Variants in SPRED2 observed in about 807,000 individuals in gnomAD.
SPRED2 encodes the protein sprouty related EVH1 domain containing 2.
In SPRED2, 47 loss-of-function variants were observed where a neutral mutation model predicts 43.0. The observed-to-expected ratio is 1.09, with a 90% CI of 0.87 to 1.40. SPRED2 has a LOEUF of 1.40. SPRED2 is among the 40% of genes most tolerant of loss of function. SPRED2 has a pLI of 0.00. For missense variants in SPRED2, 561 were observed against 586.4 expected, an observed-to-expected ratio of 0.96 and a Z score of 0.45; for synonymous variants, 225 against 225.7, an observed-to-expected ratio of 1.00 and a Z score of 0.03.
At position 65,312,398 on chromosome 2, in the gene SPRED2, A is replaced by G; in HGVS notation, c.*1103T>C. 1 of 985,430 alleles carries G rather than the reference A, an allele frequency of 1.0e-6. No individual in the cohort carries two copies. The highest frequency in any genetic ancestry group is 1.2e-6 in the Non-Finnish European group (1 of 829,930). 61.0% of individuals were successfully genotyped at this position (985,430 alleles called of 1,614,324 possible). On this transcript the variant is annotated 3_prime_UTR_variant, in exon 6 of 6. Transcript: ENST00000356388. ...AAGAAAATGCAACCCACCACTCTTCAAATTTATGACATTTAAAAATCCCCT... is the reference window on the plus strand; with the variant it reads ...AAGAAAATGCAACCCACCACTCTTCGAATTTATGACATTTAAAAATCCCCT...
intron 4 of SPRED2, among the ~76,000 whole-genome samples, chr2:65,329,019 T>C (rs558143718): frequency 2.6e-5 from 4 of 152,244 alleles, no homozygotes; most frequent in Non-Finnish European, 2.9e-5. Context: ...CAAAAGCCCA[T>C]CTAGGACAAA....
At chr2:65,381,191 GCTC>G (rs1271101508) in intron 1 of SPRED2, among the ~76,000 whole-genome samples, 2 of 152,182 alleles carry the variant, frequency 1.3e-5, no homozygotes, top group Non-Finnish European at 2.9e-5. Flanking sequence ...GGCGCTCAGT[GCTC>G]CTCAACTCGT....
At chr2:65,360,105 A>C (rs1304577379) in intron 1 of SPRED2, among the ~76,000 whole-genome samples, 27 of 136,032 alleles carry the variant, frequency 2.0e-4, no homozygotes, top group African/African-American at 6.3e-4. Context: ...AAAAACAAAA[A>C]AAAAAAAAAC....
chr2:65,398,719 T>C (rs977983026), intron 1 of SPRED2, among the ~76,000 whole-genome samples: 5 of 152,166 alleles, frequency 3.3e-5, no homozygotes, highest in East Asian at 3.9e-4. Context: ...CCAAAAATAA[T>C]AGATGTTGGT....
At chr2:65,314,874 T>G (rs1425766970) in intron 5 of SPRED2, among the ~76,000 whole-genome samples, 6 of 152,176 alleles carry the variant, frequency 3.9e-5, no homozygotes, top group Admixed American at 2.6e-4. Flanking sequence ...TCTGGTGAGA[T>G]GCGGACAGGA....
intron 1 of SPRED2, among the ~76,000 whole-genome samples, chr2:65,362,712 G>T (rs1156764358): frequency 6.6e-6 from 1 of 152,080 alleles, no homozygotes; most frequent in Admixed American, 6.5e-5. Flanking sequence ...TACAAAATTA[G>T]CCAGGCGTGG....
intron 2 of SPRED2, among the ~76,000 whole-genome samples, chr2:65,339,279 G>C (rs1472865754): frequency 1.3e-5 from 2 of 151,918 alleles, no homozygotes; most frequent in Non-Finnish European, 2.9e-5. Context: ...TTTCTGGAAT[G>C]GAAGGGGGGG....
At chr2:65,377,612 C>T in intron 1 of SPRED2, 1 of 471,236 alleles carries the variant, frequency 2.1e-6, no homozygotes, top group East Asian at 6.9e-5. Flanking sequence ...CAGAAACTCA[C>T]CCCCTCCTTT....
intron 1 of SPRED2, among the ~76,000 whole-genome samples, chr2:65,352,234 C>A (rs1163388135): frequency 6.6e-6 from 1 of 152,224 alleles, no homozygotes. Flanking sequence ...GATGAGCAGG[C>A]ACTGTGAGGC....
intron 1 of SPRED2, among the ~76,000 whole-genome samples, chr2:65,367,487 T>C (rs1247053901): frequency 6.6e-6 from 1 of 152,238 alleles, no homozygotes; most frequent in Admixed American, 6.5e-5. Flanking sequence ...AAAATTTTTT[T>C]TTCAGTCCCT....
At chr2:65,322,220 G>T (rs1673434097) in intron 4 of SPRED2, among the ~76,000 whole-genome samples, 3 of 116,910 alleles carry the variant, frequency 2.6e-5, no homozygotes, top group Admixed American at 1.8e-4. Flanking sequence ...AGATAGTTTG[G>T]TCTCCTTTCC....
chr2:65,371,905 G>A (rs1253686545), intron 1 of SPRED2, among the ~76,000 whole-genome samples: 1 of 151,988 alleles, frequency 6.6e-6, no homozygotes, highest in African/African-American at 2.4e-5. Flanking sequence ...GTGAAAGCCC[G>A]TCTCTACTAA....
At chr2:65,388,977 G>A (rs1675569531) in intron 1 of SPRED2, among the ~76,000 whole-genome samples, 1 of 152,316 alleles carries the variant, frequency 6.6e-6, no homozygotes, top group South Asian at 2.1e-4. Flanking sequence ...GGATTTGAAA[G>A]GTTCAACAGG....
chr2:65,334,798 G>A, intron 2 of SPRED2, 25 bp from the exon 3 acceptor site: 1 of 1,612,844 alleles, frequency 6.2e-7, no homozygotes, highest in Non-Finnish European at 8.5e-7. Flanking sequence ...CACACAGGCT[G>A]GTTACTAGTG....
intron 1 of SPRED2, among the ~76,000 whole-genome samples, chr2:65,408,624 C>T (rs960140621): frequency 6.6e-6 from 1 of 151,468 alleles, no homozygotes; most frequent in Non-Finnish European, 1.5e-5. Flanking sequence ...GAGTCTCACT[C>T]TGTCACCTAG....
rs569400995 is a variant in SPRED2, at chr2:65,389,903, TGAA to T, written c.26+42056_26+42058del. 4.6e-3 allele frequency among the ~76,000 whole-genome samples: 699 copies of T among 152,354 alleles called. 5 individuals carry two copies. Among genetic ancestry groups the T allele is most frequent in the African/African-American group, 0.016 (650 of 41,576 alleles). On this transcript the variant is annotated intron_variant, in intron 1 of 5. Transcript: ENST00000356388. ...AAAATGGAAAGTAAAGCAAGTTTGT[TGAA>T]GAAGTGTTTAAAACAGGTAAGCAAA...
intron 4 of SPRED2, among the ~76,000 whole-genome samples, chr2:65,328,853 G>A (rs80297544): frequency 0.027 from 4,118 of 152,254 alleles, 202 homozygotes; most frequent in African/African-American, 0.094. Flanking sequence ...TTTAATGTTT[G>A]CTGGGGATAG....
chr2:65,314,384 A>T (rs534885600), intron 5 of SPRED2, among the ~76,000 whole-genome samples: 2 of 152,272 alleles, frequency 1.3e-5, no homozygotes, highest in Admixed American at 1.3e-4. Context: ...CAATCCATTA[A>T]TGGGCCAGGA....
intron 4 of SPRED2, among the ~76,000 whole-genome samples, chr2:65,317,847 C>A (rs1673290481): frequency 6.6e-6 from 1 of 152,086 alleles, no homozygotes; most frequent in Admixed American, 6.5e-5. Flanking sequence ...ACAGAGGCCA[C>A]CTCTGTGAAG....
Sources: gnomAD v4.1 joint callset for allele counts (sites outside exome capture counted in the v4.1 genomes callset) on GRCh38, gnomAD v4.1.1 for gene constraint, MANE v1.5 for transcripts, NCBI Gene and HGNC (gene_info 2026-07-23, HGNC 2026-07-21) for gene names.